CDH4: variants seen among roughly 807,000 people sequenced by gnomAD.
CDH4 encodes cadherin 4.
CDH4 carries 33 observed loss-of-function variants against 86.0 expected under a neutral mutation model. The observed-to-expected ratio is 0.38, with a 90% CI of 0.29 to 0.51. CDH4 has a LOEUF of 0.51. CDH4 is among the 20% of genes least tolerant of loss of function. The pLI, the probability that CDH4 is intolerant of heterozygous loss-of-function variation, is 0.86. For synonymous variants in CDH4, 555 were observed against 549.4 expected (o/e 1.01, Z -0.14); for missense variants, 1,114 against 1,307.4 (o/e 0.85, Z 2.28).
intron 4 of CDH4, among the ~76,000 whole-genome samples, chr20:61,795,133 A>AT: frequency 1.1e-3 from 1 of 872 alleles, no homozygotes; most frequent in Admixed American, 0.014. Context: ...GTGATGATGG[A>AT]AATGATGGTA....
chr20:61,930,958 A>T (rs778915579), intron 13 of CDH4, among the ~76,000 whole-genome samples: 16 of 151,418 alleles, frequency 1.1e-4, no homozygotes, highest in Middle Eastern at 3.4e-3. Context: ...CGTGCAGGAG[A>T]CCTGGGCCAC....
intron 2 of CDH4, among the ~76,000 whole-genome samples, chr20:61,667,894 G>A (rs2087344920): frequency 6.6e-6 from 1 of 152,204 alleles, no homozygotes; most frequent in South Asian, 2.1e-4. Context: ...GCAAGGCGGA[G>A]GGACCCCACC....
intron 2 of CDH4, among the ~76,000 whole-genome samples, chr20:61,636,791 G>A (rs1201533236): frequency 2.0e-5 from 3 of 152,208 alleles, no homozygotes; most frequent in Non-Finnish European, 4.4e-5. Context: ...ACCCCAGAGG[G>A]AAGCCCAGGA....
chr20:61,455,521 C>T (rs988047405), intron 2 of CDH4, among the ~76,000 whole-genome samples: 1 of 152,106 alleles, frequency 6.6e-6, no homozygotes, highest in Non-Finnish European at 1.5e-5. Flanking sequence ...TAATAAATCC[C>T]GCAAAAACCA....
intron 6 of CDH4, among the ~76,000 whole-genome samples, chr20:61,854,124 C>A (rs1042078633): frequency 2.6e-5 from 4 of 152,176 alleles, no homozygotes; most frequent in African/African-American, 9.7e-5. Flanking sequence ...GGCTTCCAGG[C>A]TTTACAGAAG....
chr20:61,629,528 G>A (rs962824236), intron 2 of CDH4, among the ~76,000 whole-genome samples: 1 of 152,212 alleles, frequency 6.6e-6, no homozygotes, highest in African/African-American at 2.4e-5. Flanking sequence ...ACGTGTGGTT[G>A]GCTTTAATTA....
chr20:61,262,500 C>T (rs1168704915), intron 2 of CDH4, among the ~76,000 whole-genome samples: 3 of 152,138 alleles, frequency 2.0e-5, no homozygotes, highest in Non-Finnish European at 2.9e-5. Flanking sequence ...GACTGCGTGG[C>T]GACTGGGTTG....
intron 2 of CDH4, among the ~76,000 whole-genome samples, chr20:61,716,436 C>T (rs2087955692): frequency 6.6e-6 from 1 of 152,242 alleles, no homozygotes; most frequent in Non-Finnish European, 1.5e-5. Context: ...TTGCCCTGAG[C>T]TGGGGCTTTG....
intron 4 of CDH4, among the ~76,000 whole-genome samples, chr20:61,781,406 A>G (rs1978537042): frequency 2.0e-5 from 3 of 152,156 alleles, no homozygotes; most frequent in South Asian, 4.1e-4. Context: ...AGATGGATAG[A>G]TGGGGAATCA....
intron 9 of CDH4, among the ~76,000 whole-genome samples, chr20:61,919,759 C>A (rs62205012): frequency 1.4e-5 from 2 of 146,620 alleles, no homozygotes; most frequent in East Asian, 4.1e-4. Context: ...GTCATGGTTG[C>A]GTGGAAGCGT....
intron 13 of CDH4, among the ~76,000 whole-genome samples, chr20:61,931,447 G>T (rs918719645): frequency 6.6e-6 from 1 of 152,220 alleles, no homozygotes. Flanking sequence ...TCCTCCTCAC[G>T]ACATCAGGCA....
intron 3 of CDH4, among the ~76,000 whole-genome samples, chr20:61,768,785 A>G (rs1456058184): frequency 1.3e-5 from 2 of 152,224 alleles, no homozygotes; most frequent in Non-Finnish European, 2.9e-5. Context: ...AGATTTTGTT[A>G]TTACATTTGT....
intron 6 of CDH4, among the ~76,000 whole-genome samples, chr20:61,863,842 G>A (rs1269910481): frequency 6.6e-6 from 1 of 152,118 alleles, no homozygotes; most frequent in Non-Finnish European, 1.5e-5. Context: ...AAGTCACCCA[G>A]GGCCACAGAG....
rs550266150 is a variant in CDH4, at chr20:61,544,365, C to T, written c.170-199198C>T. The stretch of plus-strand genomic sequence containing the variant: ...CTCCATGTATCACTCGTGTCCAGGC[C>T]GAGAAACCCGACGTAGAAATCCAGC... On this transcript the variant is annotated intron_variant, in intron 2 of 15. Transcript: ENST00000614565. The surrounding 1 kb of genome is among the most constrained non-coding windows in gnomAD (Gnocchi z 6.5). Among the ~76,000 whole-genome samples the T allele has an allele frequency of 5.3e-5, 8 of 151,942 alleles. No homozygotes were observed. The highest frequency in any genetic ancestry group is 4.2e-4 in the South Asian group (2 of 4,786).
chr20:61,586,363 C>T (rs2086475391), intron 2 of CDH4, among the ~76,000 whole-genome samples: 1 of 152,168 alleles, frequency 6.6e-6, no homozygotes, highest in African/African-American at 2.4e-5. Flanking sequence ...AGCACAGTTC[C>T]AAGCTCTTTA....
chr20:61,363,906 A>G (rs907710790), intron 2 of CDH4, among the ~76,000 whole-genome samples: 2 of 152,184 alleles, frequency 1.3e-5, no homozygotes, highest in African/African-American at 4.8e-5. Context: ...AACCCGTACT[A>G]TGATATTTGG....
At chr20:61,318,554 G>T (rs950451230) in intron 2 of CDH4, among the ~76,000 whole-genome samples, 8 of 152,162 alleles carry the variant, frequency 5.3e-5, no homozygotes, top group Non-Finnish European at 1.2e-4. Context: ...GGGATTGCTG[G>T]AGGCTATGAT....
intron 4 of CDH4, among the ~76,000 whole-genome samples, chr20:61,826,707 G>T (rs746260777): frequency 7.9e-5 from 12 of 152,206 alleles, no homozygotes; most frequent in Non-Finnish European, 1.8e-4. Context: ...CCTACTGCAT[G>T]CATTAGGGTG....
intron 2 of CDH4, among the ~76,000 whole-genome samples, chr20:61,470,370 T>G (rs1157917773): frequency 6.6e-6 from 1 of 151,820 alleles, no homozygotes; most frequent in Non-Finnish European, 1.5e-5. Context: ...ATGCTACTAA[T>G]TTTTGCATGT....
Sources: allele counts gnomAD v4.1 joint callset (sites outside exome capture counted in the v4.1 genomes callset), GRCh38; gene constraint gnomAD v4.1.1; non-coding constraint Gnocchi (gnomAD v3.1); transcripts MANE v1.5; gene names NCBI Gene and HGNC (gene_info 2026-07-23, HGNC 2026-07-21).